The following TXNDC15 variants were observed in gnomAD, a reference collection of about 807,000 sequenced individuals.
The protein encoded by TXNDC15 is thioredoxin domain-containing protein 15.
TXNDC15 carries 24 observed loss-of-function variants against 35.0 expected under a neutral mutation model. The observed-to-expected ratio is 0.68, with a 90% CI of 0.50 to 0.96. TXNDC15 has a LOEUF of 0.96. Ranked by LOEUF, TXNDC15 falls within the 40% of genes least tolerant of loss-of-function variation. TXNDC15 has a pLI of 0.00. For missense variants in TXNDC15, 385 were observed against 453.3 expected (o/e 0.85, Z 1.37); for synonymous variants, 169 against 174.0 (o/e 0.97, Z 0.23).
At chr5:134,882,647 G>A (rs1249781625) in intron 1 of TXNDC15, among the ~76,000 whole-genome samples, 3 of 152,234 alleles carry the variant, frequency 2.0e-5, no homozygotes, top group Admixed American at 6.5e-5. Context: ...AGACCAGCCC[G>A]GCCAACACAG....
At chr5:134,880,596 C>A (rs1016467545) in intron 1 of TXNDC15, among the ~76,000 whole-genome samples, 1 of 151,984 alleles carries the variant, frequency 6.6e-6, no homozygotes, top group Non-Finnish European at 1.5e-5. Context: ...GCTACCATGC[C>A]AGGCTAATTT....
intron 1 of TXNDC15, 104 bp downstream of exon 1, chr5:134,874,634 C>T: frequency 2.2e-6 from 2 of 910,726 alleles, no homozygotes; most frequent in Non-Finnish European, 1.6e-6. Flanking sequence ...CGACTCGCCC[C>T]TTCTTGGCGT....
chr5:134,884,991 C>G (rs957758790), intron 1 of TXNDC15, among the ~76,000 whole-genome samples: 4 of 150,708 alleles, frequency 2.7e-5, no homozygotes. Flanking sequence ...GGCATGATCT[C>G]GGCTCATTGC....
rs776935187 is a variant in TXNDC15, at chr5:134,888,039, G to A, written c.448G>A (p.Glu150Lys). 2.5e-6 allele frequency: 4 copies of A among 1,614,098 alleles called. No homozygotes were observed. Among genetic ancestry groups the A allele is most frequent in the Non-Finnish European group, 3.4e-6 (4 of 1,180,046 alleles). ...TGACAGAGAAGAGGAGTATTACACA[G>A]AGCCAGAAGTGGCGGAATCTGACGC... is the stretch of plus-strand genomic sequence containing the variant. ...FPDREEEYYT[E>K]PEVAESDAAP... The change falls in exon 2 of 5, where the codon GAG becomes AAG. Residue 150 changes from glutamate (E) to lysine (K), a missense_variant. Physicochemically the swap from Glu to Lys is moderately conservative, Grantham distance 56. Transcript: ENST00000358387.
At chr5:134,874,629 C>G in intron 1 of TXNDC15, 99 bp downstream of exon 1, 1 of 971,496 alleles carries the variant, frequency 1.0e-6, no homozygotes, top group Non-Finnish European at 1.5e-6. Flanking sequence ...GTGCGCGACT[C>G]GCCCCTTCTT....
At chr5:134,878,447 G>A (rs925626848) in intron 1 of TXNDC15, among the ~76,000 whole-genome samples, 1 of 152,178 alleles carries the variant, frequency 6.6e-6, no homozygotes, top group Non-Finnish European at 1.5e-5. Context: ...GGAAAGTATG[G>A]ATTGCTGTCC....
In TXNDC15 at chr5:134,888,032, T is replaced by A. The variant is rs1393502588; in HGVS notation, c.441T>A (p.Tyr147Ter). 2 of 1,614,056 alleles carry A rather than the reference T, an allele frequency of 1.2e-6. No homozygotes were observed. The highest frequency in any genetic ancestry group is 1.7e-6 in the Non-Finnish European group (2 of 1,180,012). The change falls in exon 2 of 5, where the codon TAT becomes TAA. Residue 147 changes from tyrosine to a stop codon, truncating the protein, a stop_gained. Coordinates refer to ENST00000358387, the MANE Select transcript of TXNDC15 (RefSeq NM_024715.4). LOFTEE classifies it high-confidence loss of function. Reference protein sequence around the residue: ...GAHFPDREEEYYTEPEVAESD... With the variant: ...GAHFPDREEE ...ACTTCCCTGACAGAGAAGAGGAGTATTACACAGAGCCAGAAGTGGCGGAAT... is the reference window on the plus strand; with the variant it reads ...ACTTCCCTGACAGAGAAGAGGAGTAATACACAGAGCCAGAAGTGGCGGAAT...
chr5:134,899,921 T>C lies in TXNDC15; in HGVS notation c.*236T>C. 1 of 438,126 alleles carries C rather than the reference T, an allele frequency of 2.3e-6. No homozygotes were observed. Among genetic ancestry groups the C allele is most frequent in the African/African-American group, 2.0e-5 (1 of 48,840 alleles). The allele number at this position is 438,126 out of a possible 1,614,324, so 27.1% of individuals were successfully genotyped here. On this transcript the variant is annotated 3_prime_UTR_variant, in exon 5 of 5. Transcript: ENST00000358387. The stretch of plus-strand genomic sequence containing the variant: ...ATGCACTATTCTTGTTTTTACTGCA[T>C]GAACGTAATCCAGTATTTGGAAAGT...
At chr5:134,884,150 G>A (rs1415574201) in intron 1 of TXNDC15, among the ~76,000 whole-genome samples, 1 of 150,106 alleles carries the variant, frequency 6.7e-6, no homozygotes, top group Non-Finnish European at 1.5e-5. Context: ...AACCCGGGAG[G>A]TGGAGGCTGC....
chr5:134,875,240 T>G (rs1750009288), intron 1 of TXNDC15: 1 of 456,090 alleles, frequency 2.2e-6, no homozygotes, highest in Non-Finnish European at 4.4e-6. Context: ...AGTGGAGGCC[T>G]TACTTTCATG....
intron 1 of TXNDC15, among the ~76,000 whole-genome samples, chr5:134,886,731 G>A (rs1750282936): frequency 6.6e-6 from 1 of 152,366 alleles, no homozygotes; most frequent in Non-Finnish European, 1.5e-5. Context: ...CTTGAACAGT[G>A]TTCTTCAGGC....
intron 1 of TXNDC15, among the ~76,000 whole-genome samples, chr5:134,879,790 C>T (rs1188890330): frequency 6.7e-6 from 1 of 148,924 alleles, no homozygotes; most frequent in East Asian, 1.9e-4. Flanking sequence ...CCCTTCTTAC[C>T]TGCCTTTTTT....
intron 1 of TXNDC15, among the ~76,000 whole-genome samples, chr5:134,881,989 G>C (rs1456746784): frequency 6.6e-6 from 1 of 150,652 alleles, no homozygotes; most frequent in African/African-American, 2.4e-5. Context: ...GCCGGGTGGA[G>C]ACGCTCCTCA....
intron 1 of TXNDC15, among the ~76,000 whole-genome samples, chr5:134,885,754 G>A (rs1750263062): frequency 6.6e-6 from 1 of 152,192 alleles, no homozygotes; most frequent in African/African-American, 2.4e-5. Flanking sequence ...TGGAGCAGTT[G>A]TAGGGTTCTC....
upstream of TXNDC15, chr5:134,874,183 C>A (rs1749974194): frequency 4.1e-6 from 2 of 493,412 alleles, no homozygotes; most frequent in Admixed American, 8.2e-5. Flanking sequence ...ACTCTGGGGT[C>A]AGCAGAGTTC....
chr5:134,883,382 G>A (rs1287642910), intron 1 of TXNDC15, among the ~76,000 whole-genome samples: 5 of 151,834 alleles, frequency 3.3e-5, no homozygotes, highest in African/African-American at 9.7e-5. Flanking sequence ...GAGTGAGATC[G>A]TGCCACTGCA....
intron 1 of TXNDC15, among the ~76,000 whole-genome samples, chr5:134,876,354 G>A (rs1750033174): frequency 6.6e-6 from 1 of 152,126 alleles, no homozygotes; most frequent in Non-Finnish European, 1.5e-5. Flanking sequence ...TTGAAGGCTG[G>A]CTTTGCCCCC....
rs1300701798 is a variant in TXNDC15, at chr5:134,901,394, G to A, written c.*1709G>A. 1.3e-5 allele frequency: 2 copies of A among 152,152 alleles called. No individual in the cohort carries two copies. The highest frequency in any genetic ancestry group is 2.1e-4 in the South Asian group (1 of 4,826). 9.4% of individuals were successfully genotyped at this position (152,152 alleles called of 1,614,324 possible). A position where few individuals can be genotyped will look rare whatever the true frequency, so the allele number is the denominator to read the frequency against. ...GGCACATTATTTCTATTTTACACAT[G>A]AGCAAATTGAGGCATAGAGAGTTAG... On this transcript the variant is annotated 3_prime_UTR_variant, in exon 5 of 5. Transcript: ENST00000358387.
chr5:134,882,262 G>A (rs1750167911), intron 1 of TXNDC15, among the ~76,000 whole-genome samples: 1 of 151,748 alleles, frequency 6.6e-6, no homozygotes, highest in Non-Finnish European at 1.5e-5. Context: ...GGGCAGAGAC[G>A]CTCCTCACTT....
Sources: gnomAD v4.1 joint callset for allele counts (sites outside exome capture counted in the v4.1 genomes callset) on GRCh38, gnomAD v4.1.1 for gene constraint, MANE v1.5 for transcripts, NCBI Gene and HGNC (gene_info 2026-07-23, HGNC 2026-07-21) for gene names.